The following ANO3 variants were observed in gnomAD, a reference collection of about 807,000 sequenced individuals.
ANO3 encodes the protein anoctamin 3.
In ANO3, 99 loss-of-function variants were observed where a neutral mutation model predicts 144.8. The observed-to-expected ratio is 0.68, with a 90% CI of 0.58 to 0.81. The LOEUF is 0.81. ANO3 is among the 30% of genes least tolerant of loss of function. ANO3 has a pLI of 0.00. For missense variants in ANO3, 905 were observed against 1,202.2 expected (o/e 0.75, Z 3.66); for synonymous variants, 414 against 392.6 (o/e 1.05, Z -0.64).
At chr11:26,564,754 T>C (rs1221082876) in intron 14 of ANO3, among the ~76,000 whole-genome samples, 7 of 84,568 alleles carry the variant, frequency 8.3e-5, no homozygotes, top group African/African-American at 1.5e-4. Context: ...TATATATATA[T>C]ATATATATAT....
chr11:26,553,232 T>C lies in ANO3; in HGVS notation c.1290-17T>C. 5 of 1,352,362 alleles carry C rather than the reference T, an allele frequency of 3.7e-6. No homozygotes were observed. Among genetic ancestry groups the C allele is most frequent in the Non-Finnish European group, 3.0e-6 (3 of 993,762 alleles). 83.8% of individuals were successfully genotyped at this position (1,352,362 alleles called of 1,614,324 possible). On this transcript the variant is annotated splice_polypyrimidine_tract_variant and intron_variant, in intron 12 of 26. Transcript: ENST00000256737. ...ATGCTATGTTTTGTTTTGTTTTTGT[T>C]TTTGTTTTTTCTCAAGCCAAGAAAT... is the stretch of plus-strand genomic sequence containing the variant.
intron 4 of ANO3, among the ~76,000 whole-genome samples, chr11:26,500,880 TA>T (rs908017187): frequency 3.9e-5 from 6 of 152,078 alleles, no homozygotes; most frequent in African/African-American, 1.2e-4. Flanking sequence ...GTTGTAGCTG[TA>T]AAATAAGTTT....
At chr11:26,241,500 C>T (rs1169675954) in intron 1 of ANO3, among the ~76,000 whole-genome samples, 1 of 152,054 alleles carries the variant, frequency 6.6e-6, no homozygotes, top group Non-Finnish European at 1.5e-5. Flanking sequence ...TACTTTATAC[C>T]AACTTTGTAC....
chr11:26,277,197 A>G (rs1386990296), intron 1 of ANO3, among the ~76,000 whole-genome samples: 1 of 152,130 alleles, frequency 6.6e-6, no homozygotes, highest in Non-Finnish European at 1.5e-5. Flanking sequence ...ATGAATTTAA[A>G]TGAATAACAT....
chr11:26,438,676 G>A (rs1029765021), intron 1 of ANO3, among the ~76,000 whole-genome samples: 3 of 151,046 alleles, frequency 2.0e-5, no homozygotes, highest in Admixed American at 6.6e-5. Context: ...TACTCGGGGG[G>A]CTGGGGCAGG....
rs1207120145 is a variant in ANO3 at position 26,646,741 on chromosome 11, T to C, written c.2429-968T>C. Among the ~76,000 whole-genome samples the C allele has an allele frequency of 5.3e-5, 8 of 152,266 alleles. No homozygotes were observed. In the East Asian group the frequency reaches 1.3e-3, roughly 26 times the overall value. ...TTATTAACATCTTAGGATCTTTTTG[T>C]ATACTAGGCATGTTAACCCTTTGTC... On this transcript the variant is annotated intron_variant, in intron 23 of 26. Coordinates refer to ENST00000256737, the MANE Select transcript of ANO3 (RefSeq NM_031418.4).
At chr11:26,586,610 C>T (rs529841710) in intron 14 of ANO3, among the ~76,000 whole-genome samples, 1 of 150,364 alleles carries the variant, frequency 6.7e-6, no homozygotes, top group Admixed American at 6.7e-5. Context: ...TCACGCCATT[C>T]TCCTGCCTCA....
chr11:26,197,897 T>C (rs556105298), intron 1 of ANO3, among the ~76,000 whole-genome samples: 4 of 152,186 alleles, frequency 2.6e-5, no homozygotes, highest in Non-Finnish European at 5.9e-5. Context: ...CTAATGAACA[T>C]AACATTTTTC....
intron 1 of ANO3, among the ~76,000 whole-genome samples, chr11:26,209,835 T>TG (rs1166815048): frequency 7.4e-6 from 1 of 135,390 alleles, no homozygotes. Context: ...TGGATGGGGC[T>TG]GTTTGCTTTT....
chr11:26,607,545 C>T (rs1320172423), intron 17 of ANO3, among the ~76,000 whole-genome samples: 5 of 152,156 alleles, frequency 3.3e-5, no homozygotes, highest in Non-Finnish European at 7.3e-5. Context: ...GTCTTGTCTG[C>T]ATGCCTTATT....
At chr11:26,324,288 C>A (rs1459421523) in intron 1 of ANO3, among the ~76,000 whole-genome samples, 1 of 151,720 alleles carries the variant, frequency 6.6e-6, no homozygotes, top group Non-Finnish European at 1.5e-5. Flanking sequence ...GGGCATATGC[C>A]CAGAAAAGAC....
intron 18 of ANO3, among the ~76,000 whole-genome samples, chr11:26,627,812 C>T (rs1852634876): frequency 1.0e-5 from 1 of 99,874 alleles, no homozygotes. Flanking sequence ...ATAATAGAAT[C>T]TAGTGTGTGT....
intron 1 of ANO3, among the ~76,000 whole-genome samples, chr11:26,317,906 C>T (rs1854664313): frequency 6.6e-6 from 1 of 152,180 alleles, no homozygotes; most frequent in Non-Finnish European, 1.5e-5. Flanking sequence ...GGCAGATATA[C>T]ACCATTGAAT....
chr11:26,509,409 G>A (rs966260864), intron 5 of ANO3, among the ~76,000 whole-genome samples: 23 of 151,592 alleles, frequency 1.5e-4, no homozygotes, highest in African/African-American at 5.3e-4. Context: ...TCTGCCTCCC[G>A]GGCTCAAGCA....
intron 1 of ANO3, among the ~76,000 whole-genome samples, chr11:26,214,410 T>C (rs1590197207): frequency 6.6e-6 from 1 of 152,012 alleles, no homozygotes; most frequent in East Asian, 1.9e-4. Flanking sequence ...GGGTTGGATT[T>C]TAGCAAAAAT....
At chr11:26,331,239 G>C (rs758661553), upstream of ANO3, among the ~76,000 whole-genome samples, 2 of 152,132 alleles carry the variant, frequency 1.3e-5, no homozygotes, top group Non-Finnish European at 1.5e-5. Flanking sequence ...TCAATACCCG[G>C]GTGATGGGGT....
chr11:26,472,449 C>G (rs1859816662), intron 4 of ANO3, among the ~76,000 whole-genome samples: 2 of 151,860 alleles, frequency 1.3e-5, no homozygotes, highest in Admixed American at 1.3e-4. Context: ...GCTTAGATGG[C>G]TACGTAACTT....
At chr11:26,347,739 G>C (rs551805672) in intron 1 of ANO3, among the ~76,000 whole-genome samples, 1 of 152,272 alleles carries the variant, frequency 6.6e-6, no homozygotes, top group South Asian at 2.1e-4. Flanking sequence ...GAAAATGAAA[G>C]AGCAATTACA....
intron 1 of ANO3, among the ~76,000 whole-genome samples, chr11:26,416,961 G>T (rs894926016): frequency 1.3e-5 from 2 of 152,018 alleles, no homozygotes; most frequent in East Asian, 3.9e-4. Context: ...ACTGTTTTCA[G>T]CTTCAACTTC....
Sources: gnomAD v4.1 joint callset for allele counts (sites outside exome capture counted in the v4.1 genomes callset) on GRCh38, gnomAD v4.1.1 for gene constraint, MANE v1.5 for transcripts, NCBI Gene and HGNC (gene_info 2026-07-23, HGNC 2026-07-21) for gene names.